NGEF: variants seen among roughly 807,000 people sequenced by gnomAD.
NGEF encodes the protein neuronal guanine nucleotide exchange factor.
NGEF carries 31 observed loss-of-function variants against 80.9 expected under a neutral mutation model. The observed-to-expected ratio is 0.38, with a 90% confidence interval of 0.29 to 0.52. The LOEUF is 0.52. Among genes scored for constraint, NGEF ranks in the 20% least tolerant of loss-of-function variants. NGEF has a pLI of 0.84. For missense variants in NGEF, 709 were observed against 926.2 expected, an observed-to-expected ratio of 0.77 and a Z score of 3.04; for synonymous variants, 371 against 370.2, an observed-to-expected ratio of 1.00 and a Z score of -0.03.
intron 3 of NGEF, among the ~76,000 whole-genome samples, chr2:232,930,899 A>T (rs1192877122): frequency 6.6e-6 from 1 of 152,064 alleles, no homozygotes; most frequent in Non-Finnish European, 1.5e-5. Flanking sequence ...TCCAGCATCA[A>T]CTCTAAAGTC....
intron 3 of NGEF, among the ~76,000 whole-genome samples, chr2:232,946,541 T>C (rs1455266123): frequency 1.3e-5 from 2 of 152,244 alleles, no homozygotes; most frequent in Admixed American, 1.3e-4. Context: ...CACACATACA[T>C]GGGCACAATT....
At chr2:232,913,800 A>G (rs926457211) in intron 5 of NGEF, among the ~76,000 whole-genome samples, 2 of 152,054 alleles carry the variant, frequency 1.3e-5, no homozygotes, top group Non-Finnish European at 2.9e-5. Context: ...CGTGCCTGTA[A>G]TCCCAGTTAC....
At chr2:232,888,533 A>G (rs1214524340) in intron 8 of NGEF, among the ~76,000 whole-genome samples, 3 of 102,184 alleles carry the variant, frequency 2.9e-5, no homozygotes, top group Non-Finnish European at 6.2e-5. Context: ...GCGCACACAT[A>G]CATGCATGCA....
intron 6 of NGEF, among the ~76,000 whole-genome samples, chr2:232,893,399 C>T (rs770195269): frequency 6.6e-6 from 1 of 152,228 alleles, no homozygotes; most frequent in Non-Finnish European, 1.5e-5. Flanking sequence ...CCACTGCTGA[C>T]GCTGGTGAGC....
At chr2:232,940,052 T>G (rs958649191) in intron 3 of NGEF, among the ~76,000 whole-genome samples, 3 of 151,862 alleles carry the variant, frequency 2.0e-5, no homozygotes, top group Non-Finnish European at 4.4e-5. Context: ...TGGGTAGGGA[T>G]GGGTCCGTCT....
At chr2:232,966,400 C>T (rs1297009445) in intron 3 of NGEF, among the ~76,000 whole-genome samples, 3 of 152,230 alleles carry the variant, frequency 2.0e-5, no homozygotes, top group Non-Finnish European at 2.9e-5. Flanking sequence ...GCCTTGCCTT[C>T]GGTGTAAATG....
At chr2:232,929,015 C>A (rs1323080006) in intron 3 of NGEF, among the ~76,000 whole-genome samples, 1 of 152,166 alleles carries the variant, frequency 6.6e-6, no homozygotes, top group Non-Finnish European at 1.5e-5. Context: ...AGCAAGATGC[C>A]CCCCGCCTAC....
chr2:232,979,581 C>T (rs141076607), intron 1 of NGEF, among the ~76,000 whole-genome samples: 1 of 152,298 alleles, frequency 6.6e-6, no homozygotes, highest in East Asian at 1.9e-4. Context: ...TTAAGTTCCT[C>T]TGTGGCTTTA....
chr2:232,914,658 G>A (rs1692755197), intron 5 of NGEF, among the ~76,000 whole-genome samples: 1 of 152,114 alleles, frequency 6.6e-6, no homozygotes, highest in Admixed American at 6.5e-5. Context: ...AACCAAGATT[G>A]TGCCACTGCA....
At chr2:232,881,400 C>T (rs934824905) in intron 13 of NGEF, 150 bp from the exon 14 acceptor site, 4 of 629,924 alleles carry the variant, frequency 6.3e-6, no homozygotes, top group Admixed American at 2.8e-5. Flanking sequence ...GATTTGTTTC[C>T]ATAGAAAACG....
intron 8 of NGEF, among the ~76,000 whole-genome samples, chr2:232,889,701 C>G (rs573264161): frequency 4.6e-5 from 7 of 152,194 alleles, no homozygotes; most frequent in African/African-American, 1.7e-4. Flanking sequence ...GTCGCCATCC[C>G]GGCTTTGCCC....
At chr2:232,959,345 G>A (rs750411286) in intron 3 of NGEF, among the ~76,000 whole-genome samples, 1 of 152,110 alleles carries the variant, frequency 6.6e-6, no homozygotes, top group Non-Finnish European at 1.5e-5. Context: ...TTCAGTTCCT[G>A]TTTTACCCAG....
At chr2:232,908,528 T>C (rs9751584) in intron 5 of NGEF, among the ~76,000 whole-genome samples, 1 of 152,052 alleles carries the variant, frequency 6.6e-6, no homozygotes, top group Non-Finnish European at 1.5e-5. Context: ...ATTTTTTTTC[T>C]TTTTTCATGT....
chr2:232,939,244 C>CA (rs1467855555), intron 3 of NGEF, among the ~76,000 whole-genome samples: 3 of 149,756 alleles, frequency 2.0e-5, no homozygotes, highest in Non-Finnish European at 4.4e-5. Context: ...TCCTGGCACT[C>CA]AGAGTTATTC....
chr2:233,005,893 C>T (rs113279701), intron 1 of NGEF, among the ~76,000 whole-genome samples: 2,844 of 152,218 alleles, frequency 0.019, 38 homozygotes, highest in Non-Finnish European at 0.026. Flanking sequence ...CTCAGCCCAC[C>T]GCAACCTCTG....
chr2:232,927,585 C>A (rs374135899), intron 3 of NGEF, among the ~76,000 whole-genome samples: 3 of 152,128 alleles, frequency 2.0e-5, no homozygotes, highest in African/African-American at 7.2e-5. Flanking sequence ...CCGATCCTCC[C>A]GTCCCCAGGC....
intron 5 of NGEF, among the ~76,000 whole-genome samples, chr2:232,917,436 G>T (rs897505909): frequency 1.3e-5 from 2 of 151,862 alleles, no homozygotes; most frequent in Non-Finnish European, 2.9e-5. Context: ...CAATGAAAGT[G>T]CATAGAGGAG....
chr2:232,974,596 G>C, intron 2 of NGEF, 27 bp downstream of exon 2: 1 of 1,608,420 alleles, frequency 6.2e-7, no homozygotes, highest in South Asian at 1.1e-5. Context: ...TAAGGGAACA[G>C]CCGTGACAGC....
intron 3 of NGEF, among the ~76,000 whole-genome samples, chr2:232,939,274 A>T (rs1032739037): frequency 6.6e-6 from 1 of 152,028 alleles, no homozygotes; most frequent in African/African-American, 2.4e-5. Context: ...CACCTCATAA[A>T]CTACATAGTT....
Sources: allele counts gnomAD v4.1 joint callset (sites outside exome capture counted in the v4.1 genomes callset), GRCh38; gene constraint gnomAD v4.1.1; transcripts MANE v1.5; gene names NCBI Gene and HGNC (gene_info 2026-07-23, HGNC 2026-07-21).